Variants in SCAF4 observed in about 807,000 individuals in gnomAD.
The protein encoded by SCAF4 is SR-related CTD associated factor 4.
In SCAF4, 25 loss-of-function variants were observed where a neutral mutation model predicts 129.8. The ratio of observed to expected loss-of-function variants is 0.19; its 90% confidence interval spans 0.14 to 0.27. SCAF4 has a LOEUF of 0.27. Ranked by LOEUF, SCAF4 falls within the 10% of genes least tolerant of loss-of-function variation. SCAF4 has a pLI of 1.00. For missense variants in SCAF4, 1,246 were observed against 1,457.1 expected, an observed-to-expected ratio of 0.86 and a Z score of 2.36; for synonymous variants, 551 against 497.7, an observed-to-expected ratio of 1.11 and a Z score of -1.43.
chr21:31,676,834 G>A (rs1409419780), intron 19 of SCAF4, among the ~76,000 whole-genome samples: 1 of 151,810 alleles, frequency 6.6e-6, no homozygotes, highest in Non-Finnish European at 1.5e-5. Flanking sequence ...CTGCATCCGT[G>A]GGCCATCTCT....
rs1182304080 is a variant in SCAF4, at chr21:31,688,438, C to T, written c.1912G>A (p.Glu638Lys). The change falls in exon 16 of 20, where the codon GAA becomes AAA. Residue 638 changes from glutamate (E) to lysine (K), a missense_variant. Coordinates refer to ENST00000286835, the MANE Select transcript of SCAF4 (RefSeq NM_020706.2). ...PDWKGIPKKP[E>K]NEVAQNGGAE... is the part of the protein sequence containing the mutation. ...CCTCCATTTTGAGCAACTTCATTTT[C>T]AGGCTTCTTAGGAATTCCTTTCCAA... 1 of 1,613,916 alleles carries T rather than the reference C, an allele frequency of 6.2e-7. No homozygotes were observed. The highest frequency in any genetic ancestry group is 1.7e-5 in the Admixed American group (1 of 59,996).
chr21:31,693,107 T>A (rs2050298635), intron 12 of SCAF4, among the ~76,000 whole-genome samples, 187 bp downstream of exon 12: 1 of 152,150 alleles, frequency 6.6e-6, no homozygotes. Flanking sequence ...TATAGCTGGT[T>A]TAAGGTACGA....
chr21:31,697,272 C>T (rs1006053773), intron 7 of SCAF4, among the ~76,000 whole-genome samples: 3 of 152,024 alleles, frequency 2.0e-5, no homozygotes, highest in African/African-American at 4.8e-5. Context: ...CTAAGAGGTT[C>T]GCTTGCTTCT....
At chr21:31,693,239 A>T in intron 12 of SCAF4, 55 bp downstream of exon 12, 1 of 1,262,638 alleles carries the variant, frequency 7.9e-7, no homozygotes, top group Non-Finnish European at 1.0e-6. Flanking sequence ...AAAACACTTT[A>T]AACCCAAGAC....
chr21:31,716,059 C>T (rs1362627885), intron 1 of SCAF4, among the ~76,000 whole-genome samples: 1 of 152,106 alleles, frequency 6.6e-6, no homozygotes, highest in Non-Finnish European at 1.5e-5. Context: ...CTTTTTCCTA[C>T]TTTTTGAAAT....
intron 1 of SCAF4, among the ~76,000 whole-genome samples, chr21:31,727,913 A>T (rs113405863): frequency 0.031 from 2,430 of 77,274 alleles, 70 homozygotes; most frequent in African/African-American, 0.11. Flanking sequence ...GATAACTGAT[A>T]CTTTTTCACT....
chr21:31,722,390 T>C (rs2051090792), intron 1 of SCAF4, among the ~76,000 whole-genome samples: 1 of 152,176 alleles, frequency 6.6e-6, no homozygotes, highest in Admixed American at 6.6e-5. Context: ...ATTATAGCTG[T>C]GTCCAATTTT....
At position 31,701,856 on chromosome 21, in the gene SCAF4, C is replaced by T. The variant is rs537632382; in HGVS notation, c.520G>A (p.Val174Ile). 106 of 1,613,764 alleles carry T rather than the reference C, an allele frequency of 6.6e-5. No homozygotes were observed. The highest frequency in any genetic ancestry group is 3.5e-4 in the Admixed American group (21 of 59,974). Reference sequence around the variant, plus strand: ...CTGGGCAACTGTGGTACAGCTGGGACGGAGTTTGGAGTGGCTTGTGTGGGA... The same window carrying T: ...CTGGGCAACTGTGGTACAGCTGGGATGGAGTTTGGAGTGGCTTGTGTGGGA... ...EPPTQATPNS[V>I]PAVPQLPSSD... Residue 174 changes from valine (V) to isoleucine (I), a missense_variant, in exon 6 of 20, where the codon GTC becomes ATC. This residue lies in a region of SCAF4 where 143 missense variants were observed against 161.0 expected (regional missense o/e 0.89). Coordinates refer to ENST00000286835, the MANE Select transcript of SCAF4 (RefSeq NM_020706.2).
intron 1 of SCAF4, among the ~76,000 whole-genome samples, chr21:31,722,906 T>C (rs1205033874): frequency 3.3e-5 from 5 of 152,188 alleles, no homozygotes; most frequent in Admixed American, 6.5e-5. Context: ...TGAGCTGCGA[T>C]TGCGCCACTG....
At chr21:31,683,279 G>A (rs2050038283) in intron 19 of SCAF4, among the ~76,000 whole-genome samples, 1 of 152,152 alleles carries the variant, frequency 6.6e-6, no homozygotes, top group African/African-American at 2.4e-5. Context: ...CGCTACGACT[G>A]ATTCAGAATT....
At chr21:31,698,966 TG>T (rs1568844046) in intron 7 of SCAF4, among the ~76,000 whole-genome samples, 1 of 151,984 alleles carries the variant, frequency 6.6e-6, no homozygotes, top group Non-Finnish European at 1.5e-5. Flanking sequence ...TCTGTTTCCC[TG>T]GAACTCTTGA....
chr21:31,710,038 A>G (rs1215625687), intron 1 of SCAF4, among the ~76,000 whole-genome samples: 1 of 152,166 alleles, frequency 6.6e-6, no homozygotes, highest in Non-Finnish European at 1.5e-5. Flanking sequence ...ATAGGGGGAA[A>G]AAAAAAATCC....
chr21:31,719,571 C>G (rs183867351), intron 1 of SCAF4, among the ~76,000 whole-genome samples: 15 of 152,068 alleles, frequency 9.9e-5, no homozygotes, highest in Admixed American at 4.6e-4. Flanking sequence ...ATGGTGTGAT[C>G]TCAGCGCACC....
chr21:31,697,239 C>T (rs1354457912), intron 7 of SCAF4, among the ~76,000 whole-genome samples: 4 of 151,978 alleles, frequency 2.6e-5, no homozygotes, highest in Non-Finnish European at 5.9e-5. Flanking sequence ...ATGGCAAGGA[C>T]ACAAAAAAGT....
chr21:31,713,577 T>C (rs2050855116), intron 1 of SCAF4, among the ~76,000 whole-genome samples: 1 of 152,182 alleles, frequency 6.6e-6, no homozygotes, highest in African/African-American at 2.4e-5. Context: ...AATTACATAA[T>C]TCCTACTGTG....
chr21:31,688,297 A>G lies in SCAF4; in HGVS notation c.2043+10T>C. On this transcript the variant is annotated intron_variant, in intron 16 of 19. Coordinates refer to ENST00000286835, the MANE Select transcript of SCAF4 (RefSeq NM_020706.2). ...CACTTAAAGTTTAAGTCATGTCCCA[A>G]TATTCTCACCTGTGGAGGTGGCACT... 2 of 1,609,760 alleles carry G rather than the reference A, an allele frequency of 1.2e-6. No homozygotes were observed. Among genetic ancestry groups the G allele is most frequent in the Non-Finnish European group, 1.7e-6 (2 of 1,178,056 alleles).
At chr21:31,715,821 T>G (rs1229598949) in intron 1 of SCAF4, among the ~76,000 whole-genome samples, 2 of 152,340 alleles carry the variant, frequency 1.3e-5, no homozygotes, top group Admixed American at 6.5e-5. Flanking sequence ...AGCAATACTG[T>G]CATCCTGCCC....
chr21:31,698,772 T>C (rs535891375), intron 7 of SCAF4, among the ~76,000 whole-genome samples: 1 of 152,236 alleles, frequency 6.6e-6, no homozygotes, highest in South Asian at 2.1e-4. Context: ...GTTTTTAGTC[T>C]GCTATCCTGC....
chr21:31,694,364 C>T, intron 10 of SCAF4, 75 bp from the exon 11 acceptor site: 2 of 946,554 alleles, frequency 2.1e-6, no homozygotes, highest in Non-Finnish European at 3.1e-6. Context: ...CTAACAAAAG[C>T]TATATTAAAA....
Sources: allele counts gnomAD v4.1 joint callset (sites outside exome capture counted in the v4.1 genomes callset), GRCh38; gene constraint gnomAD v4.1.1; regional missense constraint gnomAD v4.1.1; transcripts MANE v1.5; gene names NCBI Gene and HGNC (gene_info 2026-07-23, HGNC 2026-07-21).